Variants in ZNF184 observed in about 807,000 individuals in gnomAD.
The protein encoded by ZNF184 is zinc finger protein 184.
In ZNF184, 16 loss-of-function variants were observed where a neutral mutation model predicts 54.4. The observed-to-expected ratio is 0.29, with a 90% CI of 0.20 to 0.45. The LOEUF is 0.45. Ranked by LOEUF, ZNF184 falls within the 20% of genes least tolerant of loss-of-function variation. The probability of loss-of-function intolerance (pLI) is 1.00; values close to 1 mark genes in which losing one functional copy is unlikely to be tolerated. For synonymous variants in ZNF184, 254 were observed against 295.3 expected (o/e 0.86, Z 1.43); for missense variants, 681 against 888.2 (o/e 0.77, Z 2.97).
chr6:27,442,721 C>CGGAAGGAA, the ZNF184 span, among the ~76,000 whole-genome samples: 60,415 of 101,440 alleles, frequency 0.6, 20,388 homozygotes, highest in Middle Eastern at 0.76. Flanking sequence ...GAAAGAAGGA[C>CGGAAGGAA]GGAAGGAAGG....
the ZNF184 span, among the ~76,000 whole-genome samples, chr6:27,441,269 T>C: frequency 6.6e-6 from 1 of 152,028 alleles, no homozygotes; most frequent in Non-Finnish European, 1.5e-5. Flanking sequence ...GGAGCTGGAG[T>C]GAATGACACA....
At chr6:27,430,737 A>C in the ZNF184 span, among the ~76,000 whole-genome samples, 1 of 152,216 alleles carries the variant, frequency 6.6e-6, no homozygotes, top group Non-Finnish European at 1.5e-5. Context: ...GTTTTAACCA[A>C]GCATATTTGT....
At chr6:27,460,998 A>T (rs1308486930) in intron 3 of ZNF184, among the ~76,000 whole-genome samples, 1 of 152,176 alleles carries the variant, frequency 6.6e-6, no homozygotes, top group Non-Finnish European at 1.5e-5. Flanking sequence ...CTAGTCACTG[A>T]TTAATGACGT....
the ZNF184 span, among the ~76,000 whole-genome samples, chr6:27,426,064 C>T: frequency 6.6e-6 from 1 of 152,210 alleles, no homozygotes; most frequent in Non-Finnish European, 1.5e-5. This position sits in a 1 kb window ranked among gnomAD's most constrained non-coding sequence, Gnocchi z 4.2. Flanking sequence ...AACAAACCAT[C>T]TGGCTCTTGT....
chr6:27,430,192 G>T, the ZNF184 span, among the ~76,000 whole-genome samples: 2 of 152,112 alleles, frequency 1.3e-5, no homozygotes, highest in African/African-American at 4.8e-5. Context: ...TGCATTTAAG[G>T]TCAGAGTGAT....
At chr6:27,407,783 C>A in the ZNF184 span, 1 of 776,406 alleles carries the variant, frequency 1.3e-6, no homozygotes, top group East Asian at 2.4e-5. Context: ...AGCTCCATTA[C>A]TTCAAAATGC....
chr6:27,409,687 C>CA, the ZNF184 span, among the ~76,000 whole-genome samples: 1 of 149,726 alleles, frequency 6.7e-6, no homozygotes. Context: ...AATGATGAAA[C>CA]AAAAAAAAAG....
intron 3 of ZNF184, among the ~76,000 whole-genome samples, chr6:27,461,561 T>C (rs1472241454): frequency 6.6e-6 from 1 of 152,126 alleles, no homozygotes; most frequent in Non-Finnish European, 1.5e-5. Context: ...TAATTGGATT[T>C]ACTCTCCTAC....
chr6:27,408,034 A>T, the ZNF184 span: 5 of 947,920 alleles, frequency 5.3e-6, no homozygotes, highest in East Asian at 9.5e-5. Flanking sequence ...TGCAAATGTG[A>T]CCTGGGATAA....
intron 3 of ZNF184, among the ~76,000 whole-genome samples, chr6:27,465,484 C>CAAAAAAAAAA (rs60538455): frequency 7.1e-4 from 25 of 35,162 alleles, no homozygotes; most frequent in Non-Finnish European, 7.9e-4. Context: ...GACTCCATCT[C>CAAAAAAAAAA]AAAAAAAAAA....
chr6:27,465,339 G>C (rs1253330191), intron 3 of ZNF184, among the ~76,000 whole-genome samples: 2 of 150,976 alleles, frequency 1.3e-5, no homozygotes, highest in East Asian at 3.9e-4. Context: ...AAAAAAATTA[G>C]CCAGGCATGG....
Position 27,451,072 on chromosome 6 carries a change from TCA to T in ZNF184, c.*229_*230del. 2.3e-6 allele frequency: 1 copy of T among 435,082 alleles called. No homozygotes were observed. Among genetic ancestry groups the T allele is most frequent in the East Asian group, 3.5e-5 (1 of 28,516 alleles). 27.0% of individuals were successfully genotyped at this position (435,082 alleles called of 1,614,324 possible). A position where few individuals can be genotyped will look rare whatever the true frequency, so the allele number is the denominator to read the frequency against. On this transcript the variant is annotated 3_prime_UTR_variant, in exon 6 of 6. Coordinates refer to ENST00000683788, the MANE Select transcript of ZNF184 (RefSeq NM_001318891.2). ...TTTGAAATAATCTACTCCAAATCCT[TCA>T]TTCCATAAAGGAAACTAAAGCTTAA...
chr6:27,454,287 C>G (rs6456788), intron 5 of ZNF184, among the ~76,000 whole-genome samples: 1 of 151,966 alleles, frequency 6.6e-6, no homozygotes, highest in African/African-American at 2.4e-5. Context: ...CCACTATCAC[C>G]GCAAGCATGA....
At chr6:27,459,807 C>A (rs779089762) in intron 3 of ZNF184, among the ~76,000 whole-genome samples, 1 of 152,210 alleles carries the variant, frequency 6.6e-6, no homozygotes, top group Non-Finnish European at 1.5e-5. Flanking sequence ...TACACCCATA[C>A]TAAAACACTT....
chr6:27,411,792 G>T, the ZNF184 span, among the ~76,000 whole-genome samples: 275 of 152,324 alleles, frequency 1.8e-3, 4 homozygotes, highest in East Asian at 0.044. Context: ...CTATATCTAG[G>T]TGCTTGGCAT....
chr6:27,419,527 CAGATAGATAGATAGAT>C, the ZNF184 span, among the ~76,000 whole-genome samples: 91 of 149,130 alleles, frequency 6.1e-4, no homozygotes, highest in East Asian at 1.2e-3. This position sits in a 1 kb window ranked among gnomAD's most constrained non-coding sequence, Gnocchi z 4.8. Context: ...TTTCAATATT[CAGATAGATAGATAGAT>C]AGATAGATAG....
intron 3 of ZNF184, among the ~76,000 whole-genome samples, chr6:27,463,407 C>T (rs371886194): frequency 1.3e-5 from 2 of 151,404 alleles, no homozygotes; most frequent in African/African-American, 4.9e-5. Context: ...TTAGTAACTT[C>T]AAAGACACAG....
the ZNF184 span, among the ~76,000 whole-genome samples, chr6:27,427,121 A>G: frequency 2.0e-5 from 3 of 150,886 alleles, no homozygotes; most frequent in Non-Finnish European, 3.0e-5. Flanking sequence ...CTATGTAAAA[A>G]AAAAAAAAAA....
chr6:27,423,036 G>T, the ZNF184 span, among the ~76,000 whole-genome samples: 1 of 152,228 alleles, frequency 6.6e-6, no homozygotes, highest in African/African-American at 2.4e-5. Flanking sequence ...GCTGAACTTC[G>T]GAAGTGGCCT....
Sources: gnomAD v4.1 joint callset for allele counts (sites outside exome capture counted in the v4.1 genomes callset) on GRCh38, gnomAD v4.1.1 for gene constraint, Gnocchi (gnomAD v3.1) non-coding constraint, MANE v1.5 for transcripts, NCBI Gene and HGNC (gene_info 2026-07-23, HGNC 2026-07-21) for gene names.